Variants in CTNNA3 observed in about 807,000 individuals in gnomAD.
The protein encoded by CTNNA3 is catenin alpha-3.
CTNNA3 carries 76 observed loss-of-function variants against 95.7 expected under a neutral mutation model. That is an observed-to-expected ratio of 0.79 (90% CI 0.66 to 0.96). The LOEUF is 0.96. CTNNA3 is among the 40% of genes least tolerant of loss of function. CTNNA3 has a pLI of 0.00. For synonymous variants in CTNNA3, 431 were observed against 374.4 expected (o/e 1.15, Z -1.74); for missense variants, 1,191 against 1,089.8 (o/e 1.09, Z -1.31).
intron 5 of CTNNA3, among the ~76,000 whole-genome samples, chr10:67,511,543 G>C (rs539839962): frequency 6.6e-6 from 1 of 152,304 alleles, no homozygotes; most frequent in East Asian, 1.9e-4. Flanking sequence ...CAGGGATGAA[G>C]CCTACTTGAT....
chr10:67,482,827 A>G (rs997723218), intron 5 of CTNNA3, among the ~76,000 whole-genome samples: 1 of 152,142 alleles, frequency 6.6e-6, no homozygotes, highest in Non-Finnish European at 1.5e-5. Flanking sequence ...GTCTTGTGCC[A>G]GTTTTCAAAG....
chr10:66,669,342 G>A (rs922597185), intron 9 of CTNNA3, among the ~76,000 whole-genome samples: 2 of 151,896 alleles, frequency 1.3e-5, no homozygotes. Context: ...TCAGGAGTTC[G>A]AGACCATCCT....
At chr10:66,055,187 T>A (rs1300903124) in intron 15 of CTNNA3, among the ~76,000 whole-genome samples, 1 of 152,196 alleles carries the variant, frequency 6.6e-6, no homozygotes, top group Admixed American at 6.5e-5. Flanking sequence ...TTTCTCAGGA[T>A]TGCTTTGGCT....
intron 7 of CTNNA3, among the ~76,000 whole-genome samples, chr10:67,026,512 A>G (rs1263677514): frequency 6.6e-6 from 1 of 152,166 alleles, no homozygotes; most frequent in East Asian, 1.9e-4. Context: ...GAAAAGTTTT[A>G]AATCTTCATA....
At chr10:67,010,721 GC>G (rs2133035422) in intron 7 of CTNNA3, among the ~76,000 whole-genome samples, 1 of 152,282 alleles carries the variant, frequency 6.6e-6, no homozygotes, top group Admixed American at 6.5e-5. Flanking sequence ...GTTAGCAAGA[GC>G]TTTCGACTCA....
chr10:67,456,219 T>G (rs1436519184), intron 5 of CTNNA3, among the ~76,000 whole-genome samples: 2 of 152,146 alleles, frequency 1.3e-5, no homozygotes, highest in Non-Finnish European at 2.9e-5. Flanking sequence ...GAAGATAAAA[T>G]GTACCAAAGA....
chr10:66,934,830 A>G (rs1225089051), intron 7 of CTNNA3, among the ~76,000 whole-genome samples: 1 of 152,198 alleles, frequency 6.6e-6, no homozygotes, highest in Non-Finnish European at 1.5e-5. Context: ...TTGACATTTC[A>G]TCACATCAAT....
In CTNNA3 at chr10:66,538,630, C is replaced by T. The variant is rs149070482; in HGVS notation, c.1375-17857G>A. Among the ~76,000 whole-genome samples the T allele has an allele frequency of 3.0e-3, 451 of 152,218 alleles. 5 individuals carry two copies. The highest frequency in any genetic ancestry group is 9.8e-4 in the Non-Finnish European group (67 of 68,026). On this transcript the variant is annotated intron_variant, in intron 10 of 17. Coordinates refer to ENST00000433211, the MANE Select transcript of CTNNA3 (RefSeq NM_013266.4). ...GGCATTTGAGACTTTACTGACGAAC[C>T]TTTTAAATAATTATCAAAAGGTCAC...
chr10:67,420,406 T>G (rs1845707286), intron 5 of CTNNA3, among the ~76,000 whole-genome samples: 1 of 152,236 alleles, frequency 6.6e-6, no homozygotes, highest in Non-Finnish European at 1.5e-5. Flanking sequence ...CAATTTATTA[T>G]GATCCTGGAC....
At chr10:67,476,987 C>G (rs1238169024) in intron 5 of CTNNA3, among the ~76,000 whole-genome samples, 2 of 151,846 alleles carry the variant, frequency 1.3e-5, no homozygotes, top group African/African-American at 4.8e-5. Context: ...AAGTAGGGCC[C>G]TCTCTGTCCC....
chr10:67,194,262 A>G (rs1228067838), intron 6 of CTNNA3, among the ~76,000 whole-genome samples: 2 of 152,094 alleles, frequency 1.3e-5, no homozygotes, highest in Admixed American at 6.6e-5. Context: ...AAACCTTCAC[A>G]TGGATGTTTA....
At chr10:67,226,120 G>T (rs1011277149) in intron 5 of CTNNA3, among the ~76,000 whole-genome samples, 6 of 152,102 alleles carry the variant, frequency 3.9e-5, no homozygotes, top group Non-Finnish European at 8.8e-5. Flanking sequence ...GTAGAAGAAA[G>T]AAATCCAGAG....
rs1373236200 is a variant in CTNNA3, at chr10:66,571,800, A to T, written c.1374+49892T>A. On this transcript the variant is annotated intron_variant, in intron 10 of 17. Transcript: ENST00000433211. ...ATGACCCATAACAACCTTGTTATGC[A>T]GTTAAATAAGATAAATCTATAATGA... is the stretch of plus-strand genomic sequence containing the variant. 3.9e-5 allele frequency among the ~76,000 whole-genome samples: 6 copies of T among 152,176 alleles called. No individual in the cohort carries two copies. The East Asian group carries it at 1.2e-3, about 29-fold the overall frequency.
At chr10:67,709,370 C>T (rs1048211830) in intron 1 of CTNNA3, among the ~76,000 whole-genome samples, 18 of 152,080 alleles carry the variant, frequency 1.2e-4, no homozygotes, top group Non-Finnish European at 2.6e-4. Context: ...GCAGAACATA[C>T]ATGAATGTCC....
intron 9 of CTNNA3, among the ~76,000 whole-genome samples, chr10:66,627,302 A>G (rs1468944145): frequency 6.6e-6 from 1 of 152,174 alleles, no homozygotes; most frequent in Non-Finnish European, 1.5e-5. Flanking sequence ...CTAGTGGTGT[A>G]AAGTCTTGGT....
At chr10:67,662,325 T>C (rs574298262) in intron 1 of CTNNA3, among the ~76,000 whole-genome samples, 2 of 152,372 alleles carry the variant, frequency 1.3e-5, no homozygotes, top group East Asian at 1.9e-4. Flanking sequence ...GTTATGTGAA[T>C]GTGCTCACTC....
At chr10:66,485,193 G>A (rs1369023126) in intron 11 of CTNNA3, among the ~76,000 whole-genome samples, 4 of 152,070 alleles carry the variant, frequency 2.6e-5, no homozygotes, top group Non-Finnish European at 4.4e-5. Context: ...GCATACTTTT[G>A]CCAATTCTAT....
Position 66,987,797 on chromosome 10 carries a change from T to C in CTNNA3, c.1047+192520A>G, listed in dbSNP as rs559548400. Reference sequence around the variant, plus strand: ...CTCATGATAACTAAATTTGGATAAATTTTGCAAAGATGGATTTTGATCCAG... The same window carrying C: ...CTCATGATAACTAAATTTGGATAAACTTTGCAAAGATGGATTTTGATCCAG... On this transcript the variant is annotated intron_variant, in intron 7 of 17. Transcript: ENST00000433211. 1.2e-4 allele frequency among the ~76,000 whole-genome samples: 19 copies of C among 152,310 alleles called. No homozygotes were observed. The South Asian group carries it at 3.7e-3, about 30-fold the overall frequency.
intron 7 of CTNNA3, among the ~76,000 whole-genome samples, chr10:67,121,694 T>G (rs1859468513): frequency 6.6e-6 from 1 of 151,800 alleles, no homozygotes; most frequent in African/African-American, 2.4e-5. Flanking sequence ...AAGCAAGTAC[T>G]GGGCATGAAA....
Sources: gnomAD v4.1 joint callset for allele counts (sites outside exome capture counted in the v4.1 genomes callset) on GRCh38, gnomAD v4.1.1 for gene constraint, MANE v1.5 for transcripts, NCBI Gene and HGNC (gene_info 2026-07-23, HGNC 2026-07-21) for gene names.